Variants in ESR1 observed in about 807,000 individuals in gnomAD.
ESR1 encodes estrogen receptor.
In ESR1, 12 loss-of-function variants were observed where a neutral mutation model predicts 52.7. That is an observed-to-expected ratio of 0.23 (90% CI 0.15 to 0.37). The LOEUF (loss-of-function observed/expected upper bound fraction) is 0.37, where lower values mean the gene tolerates loss of function less well. Ranked by LOEUF, ESR1 falls within the 10% of genes least tolerant of loss-of-function variation. The pLI, the probability that ESR1 is intolerant of heterozygous loss-of-function variation, is 1.00. For missense variants in ESR1, 584 were observed against 779.7 expected (o/e 0.75, Z 2.99); for synonymous variants, 305 against 316.8 (o/e 0.96, Z 0.39).
intron 2 of ESR1, among the ~76,000 whole-genome samples, chr6:151,854,494 A>G (rs896670712): frequency 5.9e-5 from 9 of 152,216 alleles, no homozygotes; most frequent in Non-Finnish European, 1.2e-4. Context: ...CAAAGACAAA[A>G]CAACTTAATT....
At chr6:151,939,669 C>A (rs1175200242) in intron 3 of ESR1, among the ~76,000 whole-genome samples, 2 of 151,924 alleles carry the variant, frequency 1.3e-5, no homozygotes, top group Admixed American at 1.3e-4. Context: ...ATATTATCAC[C>A]AATAATGTGC....
At chr6:152,050,263 T>C (rs1402372982) in intron 5 of ESR1, among the ~76,000 whole-genome samples, 2 of 152,220 alleles carry the variant, frequency 1.3e-5, no homozygotes, top group Non-Finnish European at 2.9e-5. Context: ...AATTGCTCCA[T>C]GCATTTATTC....
chr6:151,830,789 A>AG (rs35451722), intron 1 of ESR1, among the ~76,000 whole-genome samples: 33,300 of 151,898 alleles, frequency 0.22, 4,259 homozygotes, highest in African/African-American at 0.36. Flanking sequence ...GGGTGAAGAC[A>AG]TTTTTCTTAA....
chr6:151,808,173 G>C lies in ESR1; in HGVS notation c.261G>C (p.Ala87=), dbSNP rs746432. 125,373 of 1,584,942 alleles carry C rather than the reference G, an allele frequency of 0.079. 5,621 individuals carry two copies. Among genetic ancestry groups the C allele is most frequent in the Non-Finnish European group, 0.089 (103,274 of 1,165,664 alleles). ...CCTACGGCCCCGGGTCTGAGGCTGCGGCGTTCGGCTCCAACGGCCTGGGGG... is the reference window on the plus strand; with the variant it reads ...CCTACGGCCCCGGGTCTGAGGCTGCCGCGTTCGGCTCCAACGGCCTGGGGG... ...GLPYGPGSEA[A]AFGSNGLGGF... is the part of the protein sequence containing the mutation. Residue 87 remains alanine (A), a synonymous_variant, in exon 1 of 8, where the codon GCG becomes GCC. Transcript: ENST00000206249.
At chr6:151,723,061 A>G (rs1781574333) in intron 2 of ESR1, among the ~76,000 whole-genome samples, 1 of 152,234 alleles carries the variant, frequency 6.6e-6, no homozygotes, top group Non-Finnish European at 1.5e-5. Context: ...TTAGATTACT[A>G]TAAAATATAA....
chr6:151,924,050 T>G (rs2128468607), intron 3 of ESR1, among the ~76,000 whole-genome samples: 1 of 152,336 alleles, frequency 6.6e-6, no homozygotes, highest in East Asian at 1.9e-4. Flanking sequence ...TTGCAATTTC[T>G]TTTTCTTTTT....
intron 2 of ESR1, among the ~76,000 whole-genome samples, chr6:151,876,711 C>T (rs776390806): frequency 7.2e-5 from 11 of 152,166 alleles, no homozygotes; most frequent in Non-Finnish European, 1.3e-4. Flanking sequence ...TTTTCTCTCC[C>T]CGCTTCCTGT....
chr6:151,721,259 A>C (rs1454690742), intron 2 of ESR1, among the ~76,000 whole-genome samples: 1 of 152,226 alleles, frequency 6.6e-6, no homozygotes, highest in African/African-American at 2.4e-5. Context: ...TTGGGTAACA[A>C]GATAGGACTT....
chr6:152,028,440 C>T (rs971699702), intron 5 of ESR1, among the ~76,000 whole-genome samples: 2 of 152,166 alleles, frequency 1.3e-5, no homozygotes, highest in Non-Finnish European at 2.9e-5. Context: ...CGGGTCACTC[C>T]CACCCTAATA....
intron 6 of ESR1, among the ~76,000 whole-genome samples, chr6:152,068,563 G>A (rs1316811799): frequency 3.9e-5 from 6 of 152,064 alleles, no homozygotes; most frequent in Non-Finnish European, 5.9e-5. Flanking sequence ...ATTTGTGACC[G>A]GGATTTAGAA....
intron 4 of ESR1, among the ~76,000 whole-genome samples, chr6:152,007,965 T>A (rs928537987): frequency 1.3e-5 from 2 of 152,122 alleles, no homozygotes; most frequent in African/African-American, 4.8e-5. Context: ...ATTCTTCCTG[T>A]TTATCAGGAA....
intron 2 of ESR1, among the ~76,000 whole-genome samples, chr6:151,764,946 C>T (rs1357611432): frequency 2.0e-5 from 3 of 152,084 alleles, no homozygotes; most frequent in African/African-American, 4.8e-5. Flanking sequence ...TAGAACAGTG[C>T]TGTACAATGG....
chr6:151,851,004 G>A (rs1786592798), intron 2 of ESR1, among the ~76,000 whole-genome samples: 1 of 152,082 alleles, frequency 6.6e-6, no homozygotes, highest in African/African-American at 2.4e-5. Flanking sequence ...GCAAATCACT[G>A]ATCATGTCAA....
chr6:151,911,554 T>C (rs1362738234), intron 3 of ESR1, among the ~76,000 whole-genome samples: 1 of 152,194 alleles, frequency 6.6e-6, no homozygotes, highest in Non-Finnish European at 1.5e-5. Flanking sequence ...AATCAGAGGC[T>C]TCAAAACTGG....
At chr6:152,051,340 G>T (rs2046661189) in intron 5 of ESR1, among the ~76,000 whole-genome samples, 1 of 151,882 alleles carries the variant, frequency 6.6e-6, no homozygotes, top group African/African-American at 2.4e-5. Flanking sequence ...CCATCCCCAG[G>T]CTGCCCAGCA....
At chr6:151,981,614 A>G (rs750550020) in intron 4 of ESR1, among the ~76,000 whole-genome samples, 4 of 152,232 alleles carry the variant, frequency 2.6e-5, no homozygotes, top group Non-Finnish European at 4.4e-5. Flanking sequence ...ATTCAGTAGA[A>G]TGGATTTGAG....
chr6:151,837,074 A>G (rs1053099809), intron 1 of ESR1, among the ~76,000 whole-genome samples: 2 of 151,168 alleles, frequency 1.3e-5, no homozygotes, highest in Admixed American at 6.6e-5. Flanking sequence ...ACTTGGTCCA[A>G]GAGATTCTAT....
At chr6:151,992,515 T>G (rs1434841505) in intron 4 of ESR1, among the ~76,000 whole-genome samples, 2 of 152,166 alleles carry the variant, frequency 1.3e-5, no homozygotes, top group Non-Finnish European at 2.9e-5. Context: ...ACCCAATACA[T>G]AGAAGACAAT....
At chr6:151,939,757 C>A (rs2034823432) in intron 3 of ESR1, among the ~76,000 whole-genome samples, 1 of 151,970 alleles carries the variant, frequency 6.6e-6, no homozygotes, top group South Asian at 2.1e-4. Context: ...ATGCAGTTGG[C>A]CATATAATAT....
Sources: gnomAD v4.1 joint callset for allele counts (sites outside exome capture counted in the v4.1 genomes callset) on GRCh38, gnomAD v4.1.1 for gene constraint, MANE v1.5 for transcripts, NCBI Gene and HGNC (gene_info 2026-07-23, HGNC 2026-07-21) for gene names.